Variants in SLC36A4 observed in about 807,000 individuals in gnomAD.
The protein encoded by SLC36A4 is solute carrier family 36 member 4.
Under a neutral mutation model 50.5 loss-of-function variants are expected in SLC36A4, and 49 were observed. That is an observed-to-expected ratio of 0.97 (90% confidence interval 0.77 to 1.23). The LOEUF is 1.23. Among genes scored for constraint, SLC36A4 ranks in the 50% most tolerant of loss-of-function variants. The probability of loss-of-function intolerance (pLI) is 0.00; values close to 1 mark genes in which losing one functional copy is unlikely to be tolerated. For missense variants in SLC36A4, 611 were observed against 608.4 expected (o/e 1.00, Z -0.05); for synonymous variants, 207 against 206.5 (o/e 1.00, Z -0.02).
At chr11:93,172,976 G>A (rs1178931404) in intron 6 of SLC36A4, among the ~76,000 whole-genome samples, 1 of 150,486 alleles carries the variant, frequency 6.6e-6, no homozygotes, top group Non-Finnish European at 1.5e-5. Flanking sequence ...TGGGATGGCT[G>A]GGTCAAATGG....
intron 6 of SLC36A4, among the ~76,000 whole-genome samples, chr11:93,172,790 G>A (rs1861237011): frequency 7.7e-6 from 1 of 130,270 alleles, no homozygotes; most frequent in Admixed American, 8.1e-5. Context: ...ATTTTTTATG[G>A]CTGCATAGTA....
At chr11:93,180,609 A>T (rs1861692418) in intron 6 of SLC36A4, among the ~76,000 whole-genome samples, 188 bp downstream of exon 6, 1 of 152,120 alleles carries the variant, frequency 6.6e-6, no homozygotes, top group Admixed American at 6.5e-5. Flanking sequence ...ATAGCAAAAC[A>T]GTGAAATCAA....
intron 1 of SLC36A4, among the ~76,000 whole-genome samples, chr11:93,194,229 A>T (rs1862329992): frequency 6.7e-6 from 1 of 150,088 alleles, no homozygotes; most frequent in Non-Finnish European, 1.5e-5. Context: ...ATATAAAAAT[A>T]AAAAAAATTT....
chr11:93,172,300 T>TA (rs1861186673), intron 6 of SLC36A4, among the ~76,000 whole-genome samples: 1 of 152,104 alleles, frequency 6.6e-6, no homozygotes, highest in Non-Finnish European at 1.5e-5. Context: ...GGTATTTAGT[T>TA]ACATGAGTAA....
intron 7 of SLC36A4, 100 bp downstream of exon 7, chr11:93,167,844 A>C (rs1186894525): frequency 1.4e-6 from 1 of 698,228 alleles, no homozygotes; most frequent in East Asian, 2.6e-5. Context: ...CCACATATGA[A>C]GTAGGGGTCT....
At chr11:93,174,042 T>C (rs1456147333) in intron 6 of SLC36A4, among the ~76,000 whole-genome samples, 2 of 150,850 alleles carry the variant, frequency 1.3e-5, no homozygotes, top group South Asian at 2.1e-4. Flanking sequence ...TTGGGCAGTA[T>C]AGCCATTTTC....
Position 93,147,128 on chromosome 11 carries a change from C to T in SLC36A4, c.*1409G>A, listed in dbSNP as rs1274818861. 2 of 152,032 alleles carry T rather than the reference C, an allele frequency of 1.3e-5. No individual in the cohort carries two copies. The highest frequency in any genetic ancestry group is 2.9e-5 in the Non-Finnish European group (2 of 68,026). 9.4% of individuals were successfully genotyped at this position (152,032 alleles called of 1,614,324 possible). On this transcript the variant is annotated 3_prime_UTR_variant, in exon 11 of 11. Transcript: ENST00000326402. Reference sequence around the variant, plus strand: ...CAGTAGCTGGGACTACAGGTACACGCCACATCAGGCTAATTTTTTTTTAAA... The same window carrying T: ...CAGTAGCTGGGACTACAGGTACACGTCACATCAGGCTAATTTTTTTTTAAA...
intron 9 of SLC36A4, chr11:93,154,669 A>G (rs1011625089): frequency 6.6e-6 from 1 of 152,242 alleles, no homozygotes; most frequent in South Asian, 2.1e-4. Context: ...TGATCTTTAC[A>G]TAGAAGAAAA....
At chr11:93,167,125 A>G (rs1249994444) in intron 7 of SLC36A4, 1 of 152,152 alleles carries the variant, frequency 6.6e-6, no homozygotes, top group Non-Finnish European at 1.5e-5. Context: ...CTATAAGAGA[A>G]ACTACAACTT....
intron 9 of SLC36A4, 187 bp from the exon 10 acceptor site, chr11:93,154,464 C>T (rs1860255999): frequency 3.0e-6 from 1 of 330,420 alleles, no homozygotes; most frequent in African/African-American, 2.1e-5. Flanking sequence ...GATACAAGAA[C>T]AATTCATTTT....
intron 9 of SLC36A4, among the ~76,000 whole-genome samples, chr11:93,159,645 C>T (rs79148875): frequency 6.6e-6 from 1 of 152,246 alleles, no homozygotes; most frequent in African/African-American, 2.4e-5. Flanking sequence ...GCATTTATCA[C>T]TAGATTGAAT....
In SLC36A4 at chr11:93,162,876, C is replaced by T. The variant is rs746875716; in HGVS notation, c.868-1G>A. ...TCATTTGGTTTTCCAGTGGAAGGAC[C>T]TAAGAAAAGAATACAATACTTTTTT... is the stretch of plus-strand genomic sequence containing the variant. On this transcript the variant is annotated splice_acceptor_variant, in intron 8 of 10. Coordinates refer to ENST00000326402, the MANE Select transcript of SLC36A4 (RefSeq NM_152313.4). LOFTEE classifies it high-confidence loss of function. 4.3e-6 allele frequency: 7 copies of T among 1,610,478 alleles called. No individual in the cohort carries two copies. Among genetic ancestry groups the T allele is most frequent in the Non-Finnish European group, 5.9e-6 (7 of 1,178,748 alleles).
intron 10 of SLC36A4, among the ~76,000 whole-genome samples, chr11:93,153,083 T>C (rs922046891): frequency 2.7e-4 from 41 of 152,112 alleles, no homozygotes; most frequent in African/African-American, 9.2e-4. Context: ...AAACAAAATA[T>C]AATACACTCA....
At chr11:93,158,593 A>G (rs1407010242) in intron 9 of SLC36A4, among the ~76,000 whole-genome samples, 1 of 152,154 alleles carries the variant, frequency 6.6e-6, no homozygotes, top group Non-Finnish European at 1.5e-5. Flanking sequence ...ATCTTTAAAA[A>G]GTGCCACAGT....
intron 9 of SLC36A4, among the ~76,000 whole-genome samples, chr11:93,155,862 T>C (rs1239509445): frequency 1.3e-5 from 2 of 152,156 alleles, no homozygotes; most frequent in Admixed American, 6.6e-5. Context: ...TTGCTAAGGG[T>C]AATGACCTCC....
intron 6 of SLC36A4, among the ~76,000 whole-genome samples, chr11:93,176,040 C>T (rs1346225921): frequency 1.7e-5 from 2 of 116,424 alleles, no homozygotes; most frequent in South Asian, 3.4e-4. Flanking sequence ...CTAATGTTGA[C>T]AGTGGGGTGT....
At chr11:93,182,707 G>T (rs1565235012) in intron 4 of SLC36A4, 99 bp downstream of exon 4, 1 of 754,442 alleles carries the variant, frequency 1.3e-6, no homozygotes, top group Admixed American at 2.9e-5. Flanking sequence ...CTACGTAAAA[G>T]CTTAAACGAA....
intron 4 of SLC36A4, 133 bp from the exon 5 acceptor site, chr11:93,181,919 C>A: frequency 3.0e-6 from 2 of 677,022 alleles, no homozygotes; most frequent in Non-Finnish European, 2.2e-6. Context: ...AATGAGTTAC[C>A]AAAATGTCAA....
intron 1 of SLC36A4, among the ~76,000 whole-genome samples, chr11:93,196,054 C>G (rs1245306470): frequency 6.6e-6 from 1 of 152,058 alleles, no homozygotes; most frequent in Non-Finnish European, 1.5e-5. Context: ...GTTTTGCTCA[C>G]GATGTATCTC....
Sources: gnomAD v4.1 joint callset for allele counts (sites outside exome capture counted in the v4.1 genomes callset) on GRCh38, gnomAD v4.1.1 for gene constraint, MANE v1.5 for transcripts, NCBI Gene and HGNC (gene_info 2026-07-23, HGNC 2026-07-21) for gene names.